BRAF: variants seen among roughly 807,000 people sequenced by gnomAD.
BRAF encodes serine/threonine-protein kinase B-raf.
Under a neutral mutation model 104.6 loss-of-function variants are expected in BRAF, and 16 were observed. The observed-to-expected ratio is 0.15, with a 90% CI of 0.10 to 0.23. The LOEUF (loss-of-function observed/expected upper bound fraction) is 0.23. Ranked by LOEUF, BRAF falls within the 10% of genes least tolerant of loss-of-function variation. BRAF has a pLI of 1.00. For synonymous variants in BRAF, 310 were observed against 341.6 expected (o/e 0.91, Z 1.02); for missense variants, 541 against 937.3 (o/e 0.58, Z 5.52).
chr7:140,892,741 T>C (rs1322532022), intron 1 of BRAF, among the ~76,000 whole-genome samples: 1 of 152,136 alleles, frequency 6.6e-6, no homozygotes, highest in Non-Finnish European at 1.5e-5. Context: ...TTAGATTTTG[T>C]TTTTAAAGTG....
intron 19 of BRAF, among the ~76,000 whole-genome samples, chr7:140,727,830 T>C (rs1292242237): frequency 3.3e-5 from 5 of 151,424 alleles, no homozygotes; most frequent in South Asian, 2.1e-4. Context: ...ACTGTGTTAG[T>C]TAGGATGGTC....
In BRAF at chr7:140,809,007, T is replaced by C. The variant is rs377433501; in HGVS notation, c.505-12A>G. 1.3e-5 allele frequency: 20 copies of C among 1,590,934 alleles called. No individual in the cohort carries two copies. The highest frequency in any genetic ancestry group is 2.7e-5 in the African/African-American group (2 of 74,412). On this transcript the variant is annotated splice_polypyrimidine_tract_variant and intron_variant, in intron 3 of 19. Coordinates refer to ENST00000644969, the MANE Select transcript of BRAF (RefSeq NM_001374258.1). ...CACCTTGCAGGTACCTATGGTATCA[T>C]AAATATATTGATAAGAGGTAAAGGG...
intron 2 of BRAF, among the ~76,000 whole-genome samples, chr7:140,846,843 A>G (rs1047060370): frequency 1.1e-4 from 16 of 152,142 alleles, no homozygotes; most frequent in African/African-American, 2.9e-4. Context: ...TGGGCTGGTT[A>G]GAGTCCATTC....
At chr7:140,735,215 C>G (rs1198258998) in intron 18 of BRAF, among the ~76,000 whole-genome samples, 1 of 152,178 alleles carries the variant, frequency 6.6e-6, no homozygotes, top group Non-Finnish European at 1.5e-5. Flanking sequence ...GCTACTTGCC[C>G]TTTAAAGAAA....
intron 3 of BRAF, among the ~76,000 whole-genome samples, chr7:140,812,585 C>T (rs1804400153): frequency 6.6e-6 from 1 of 152,158 alleles, no homozygotes; most frequent in South Asian, 2.1e-4. Context: ...ATTTGGTTTT[C>T]TGCTCTATTA....
chr7:140,922,443 A>G (rs1384349681), intron 1 of BRAF, among the ~76,000 whole-genome samples: 1 of 152,206 alleles, frequency 6.6e-6, no homozygotes. Flanking sequence ...TAGAGATTTT[A>G]CTTCACAAAA....
intron 1 of BRAF, among the ~76,000 whole-genome samples, chr7:140,878,038 T>C (rs1430278614): frequency 1.3e-5 from 2 of 152,098 alleles, no homozygotes; most frequent in East Asian, 3.9e-4. Context: ...AGCATCACCT[T>C]TACACTAATA....
At chr7:140,906,106 A>G (rs1272702504) in intron 1 of BRAF, among the ~76,000 whole-genome samples, 1 of 150,062 alleles carries the variant, frequency 6.7e-6, no homozygotes, top group Non-Finnish European at 1.5e-5. Context: ...AAAAAAAAAA[A>G]AAGAAATTAA....
chr7:140,909,109 T>C (rs947181362), intron 1 of BRAF, among the ~76,000 whole-genome samples: 1 of 152,114 alleles, frequency 6.6e-6, no homozygotes, highest in African/African-American at 2.4e-5. Flanking sequence ...AACTATTTTG[T>C]ACATTCTCTA....
chr7:140,825,092 C>G (rs1397022448), intron 3 of BRAF, among the ~76,000 whole-genome samples: 2 of 151,678 alleles, frequency 1.3e-5, no homozygotes, highest in Non-Finnish European at 2.9e-5. Context: ...GCCTCAGCCT[C>G]CCGAGCAGCT....
At chr7:140,884,924 C>T (rs1180271956) in intron 1 of BRAF, among the ~76,000 whole-genome samples, 2 of 151,996 alleles carry the variant, frequency 1.3e-5, no homozygotes, top group Non-Finnish European at 2.9e-5. Flanking sequence ...AAAATAACCA[C>T]ATTTTCCAAA....
At chr7:140,734,843 A>C (rs1796281966) in intron 18 of BRAF, 73 bp from the exon 18 acceptor site, 7 of 1,438,234 alleles carry the variant, frequency 4.9e-6, no homozygotes, top group East Asian at 2.5e-5. Flanking sequence ...AAAAAGAAAA[A>C]ACAGAAAGAA....
intron 17 of BRAF, chr7:140,747,469 G>A: frequency 8.2e-7 from 1 of 1,218,304 alleles, no homozygotes; most frequent in Non-Finnish European, 1.1e-6. Context: ...AGAAGTGGAT[G>A]AGAGAAGAAC....
At chr7:140,801,212 T>A in intron 6 of BRAF, 200 bp downstream of exon 6, 1 of 593,474 alleles carries the variant, frequency 1.7e-6, no homozygotes, top group Middle Eastern at 4.7e-4. Flanking sequence ...AAATTAACTG[T>A]ATAGCTGAAC....
At chr7:140,898,382 T>G (rs576867214) in intron 1 of BRAF, among the ~76,000 whole-genome samples, 2 of 152,126 alleles carry the variant, frequency 1.3e-5, no homozygotes, top group African/African-American at 4.8e-5. Context: ...TGACATATGA[T>G]GGATAAAGAA....
Position 140,884,412 on chromosome 7 carries a change from T to TTA in BRAF, c.139-34202_139-34201dup, listed in dbSNP as rs756827989. ...ACTCTGATTTTGGTTTCAGGATCTCTTATATATATATAAGATATGTGTGTG... is the reference window on the plus strand; with the variant it reads ...ACTCTGATTTTGGTTTCAGGATCTCTTATATATATATATAAGATATGTGTGTG... On this transcript the variant is annotated intron_variant, in intron 1 of 19. Coordinates refer to ENST00000644969, the MANE Select transcript of BRAF (RefSeq NM_001374258.1). Among the ~76,000 whole-genome samples the TTA allele has an allele frequency of 3.3e-3, 489 of 147,748 alleles. 5 individuals are homozygous for TTA. Among genetic ancestry groups the TTA allele is most frequent in the South Asian group, 6.1e-3 (28 of 4,596 alleles).
chr7:140,889,528 AT>A (rs763745057), intron 1 of BRAF, among the ~76,000 whole-genome samples: 1 of 152,182 alleles, frequency 6.6e-6, no homozygotes, highest in African/African-American at 2.4e-5. Flanking sequence ...AGAGAACAAA[AT>A]TTTTAAGTCT....
At chr7:140,847,628 A>G (rs1016368131) in intron 2 of BRAF, among the ~76,000 whole-genome samples, 1 of 152,146 alleles carries the variant, frequency 6.6e-6, no homozygotes, top group Non-Finnish European at 1.5e-5. Context: ...CAAGGCCTAG[A>G]GCAGTACAAG....
At chr7:140,890,086 C>A (rs1485073154) in intron 1 of BRAF, among the ~76,000 whole-genome samples, 1 of 152,164 alleles carries the variant, frequency 6.6e-6, no homozygotes, top group African/African-American at 2.4e-5. Flanking sequence ...AGCTTTGTAA[C>A]CTTAGGCAAA....
Sources: gnomAD v4.1 joint callset for allele counts (sites outside exome capture counted in the v4.1 genomes callset) on GRCh38, gnomAD v4.1.1 for gene constraint, MANE v1.5 for transcripts, NCBI Gene and HGNC (gene_info 2026-07-23, HGNC 2026-07-21) for gene names.